INPP4B: variants seen among roughly 807,000 people sequenced by gnomAD.
INPP4B encodes inositol polyphosphate-4-phosphatase type II B, also known as inositol polyphosphate 4-phosphatase type II.
INPP4B carries 55 observed loss-of-function variants against 122.5 expected under a neutral mutation model. The observed-to-expected ratio is 0.45, with a 90% CI of 0.36 to 0.56. INPP4B has a LOEUF of 0.56. Among genes scored for constraint, INPP4B ranks in the 20% least tolerant of loss-of-function variants. The probability of loss-of-function intolerance (pLI) is 0.00; values close to 1 mark genes in which losing one functional copy is unlikely to be tolerated. For missense variants in INPP4B, 1,000 were observed against 1,097.7 expected, an observed-to-expected ratio of 0.91 and a Z score of 1.26; for synonymous variants, 403 against 388.7, an observed-to-expected ratio of 1.04 and a Z score of -0.43.
At chr4:142,585,182 T>A (rs1735900744) in intron 2 of INPP4B, among the ~76,000 whole-genome samples, 1 of 152,196 alleles carries the variant, frequency 6.6e-6, no homozygotes, top group South Asian at 2.1e-4. Flanking sequence ...GTGCATTCAC[T>A]GTCTTAGCCC....
chr4:142,589,926 A>C (rs1335305939), intron 2 of INPP4B, among the ~76,000 whole-genome samples: 1 of 152,192 alleles, frequency 6.6e-6, no homozygotes, highest in African/African-American at 2.4e-5. Flanking sequence ...TCTATGAAAT[A>C]TAAAATGAGA....
chr4:142,091,706 T>G (rs901668982), intron 23 of INPP4B, among the ~76,000 whole-genome samples: 10 of 152,206 alleles, frequency 6.6e-5, no homozygotes, highest in Non-Finnish European at 8.8e-5. Flanking sequence ...CCTTGTTAGG[T>G]CAAATAGGTT....
At chr4:142,577,617 G>A (rs1734133766) in intron 2 of INPP4B, among the ~76,000 whole-genome samples, 1 of 151,966 alleles carries the variant, frequency 6.6e-6, no homozygotes, top group Non-Finnish European at 1.5e-5. Flanking sequence ...TCATTTACCA[G>A]TTATAAAAAC....
At chr4:142,441,600 A>G (rs1487524620) in intron 3 of INPP4B, among the ~76,000 whole-genome samples, 10 of 152,118 alleles carry the variant, frequency 6.6e-5, no homozygotes, top group Admixed American at 6.6e-4. Context: ...ATAATTCATG[A>G]AGTCACTAAA....
intron 1 of INPP4B, among the ~76,000 whole-genome samples, chr4:142,841,410 C>A (rs1008239881): frequency 1.3e-5 from 2 of 151,932 alleles, no homozygotes; most frequent in African/African-American, 4.8e-5. Context: ...TGAATGAGAA[C>A]CATTTTGAAA....
intron 2 of INPP4B, among the ~76,000 whole-genome samples, chr4:142,579,731 CTAGAAT>C (rs1303369558): frequency 6.6e-6 from 1 of 151,554 alleles, no homozygotes; most frequent in East Asian, 2.0e-4. Flanking sequence ...AGCCTTCAGA[CTAGAAT>C]TAAACTCTTA....
intron 1 of INPP4B, among the ~76,000 whole-genome samples, chr4:142,842,979 A>G (rs915783965): frequency 9.0e-5 from 13 of 145,132 alleles, no homozygotes; most frequent in Non-Finnish European, 3.0e-5. Context: ...AATGTAGTCC[A>G]TAAAATTTCC....
chr4:142,648,328 G>C (rs1020521487), intron 2 of INPP4B, among the ~76,000 whole-genome samples: 1 of 152,200 alleles, frequency 6.6e-6, no homozygotes. Context: ...TGGACAGTGG[G>C]TGCAGCCCAT....
At chr4:142,095,677 T>A (rs767927943) in intron 23 of INPP4B, among the ~76,000 whole-genome samples, 7 of 152,114 alleles carry the variant, frequency 4.6e-5, no homozygotes, top group Non-Finnish European at 8.8e-5. Flanking sequence ...GAATCAGTGA[T>A]TTCACGAAAA....
intron 1 of INPP4B, among the ~76,000 whole-genome samples, chr4:142,798,248 A>T (rs1238709193): frequency 6.6e-6 from 1 of 151,910 alleles, no homozygotes; most frequent in Non-Finnish European, 1.5e-5. Context: ...ATGTGGCATG[A>T]TTTTGAGCAA....
At chr4:142,845,204 A>G (rs1784035163) in intron 1 of INPP4B, among the ~76,000 whole-genome samples, 1 of 152,128 alleles carries the variant, frequency 6.6e-6, no homozygotes, top group African/African-American at 2.4e-5. Context: ...CTTGTCCCCA[A>G]AGAGAAACTG....
At chr4:142,362,548 G>A (rs1785823841) in intron 7 of INPP4B, among the ~76,000 whole-genome samples, 1 of 151,950 alleles carries the variant, frequency 6.6e-6, no homozygotes, top group Non-Finnish European at 1.5e-5. Context: ...TTAGTTATAA[G>A]GGTAAGAACT....
At chr4:142,049,776 A>G (rs964596273) in intron 25 of INPP4B, among the ~76,000 whole-genome samples, 1 of 152,088 alleles carries the variant, frequency 6.6e-6, no homozygotes, top group Non-Finnish European at 1.5e-5. Context: ...ACTTGGTACA[A>G]TAGATACACT....
At chr4:142,069,317 G>T (rs992176204) in intron 25 of INPP4B, among the ~76,000 whole-genome samples, 3 of 152,078 alleles carry the variant, frequency 2.0e-5, no homozygotes, top group Non-Finnish European at 4.4e-5. Flanking sequence ...AGAATCTCTG[G>T]GACACATTTA....
At chr4:142,389,711 A>G (rs1377132146) in intron 7 of INPP4B, among the ~76,000 whole-genome samples, 2 of 152,246 alleles carry the variant, frequency 1.3e-5, no homozygotes, top group Non-Finnish European at 2.9e-5. Flanking sequence ...GTACATAATT[A>G]AAATAACTTA....
intron 1 of INPP4B, among the ~76,000 whole-genome samples, chr4:142,823,949 G>C (rs760742823): frequency 2.0e-5 from 3 of 152,108 alleles, no homozygotes; most frequent in Non-Finnish European, 2.9e-5. Context: ...AAAAAAGATC[G>C]ACCCTCACCA....
chr4:142,258,360 A>T (rs1737642998), intron 11 of INPP4B, among the ~76,000 whole-genome samples: 2 of 150,940 alleles, frequency 1.3e-5, no homozygotes, highest in African/African-American at 4.8e-5. Context: ...AATGGGATCT[A>T]ATTAAACTAA....
chr4:142,064,508 T>C (rs938880484), intron 25 of INPP4B, among the ~76,000 whole-genome samples: 1 of 152,076 alleles, frequency 6.6e-6, no homozygotes, highest in African/African-American at 2.4e-5. Context: ...GAGATGTTTG[T>C]TATATGAAAG....
intron 10 of INPP4B, 97 bp from the exon 11 acceptor site, chr4:142,260,661 T>C: frequency 1.3e-6 from 1 of 765,234 alleles, no homozygotes; most frequent in Middle Eastern, 3.0e-4. Flanking sequence ...ATGTACATGG[T>C]TTCAAAAAGT....
Sources: allele counts gnomAD v4.1 joint callset (sites outside exome capture counted in the v4.1 genomes callset), GRCh38; gene constraint gnomAD v4.1.1; transcripts MANE v1.5; gene names NCBI Gene and HGNC (gene_info 2026-07-23, HGNC 2026-07-21).